GLOD4: variants seen among roughly 807,000 people sequenced by gnomAD.
GLOD4 encodes glyoxalase domain containing 4, also known as glyoxalase domain-containing protein 4.
In GLOD4, 44 loss-of-function variants were observed where a neutral mutation model predicts 39.1. The observed-to-expected ratio is 1.13, with a 90% CI of 0.88 to 1.45. GLOD4 has a LOEUF of 1.45. Among genes scored for constraint, GLOD4 ranks in the 40% most tolerant of loss-of-function variants. GLOD4 has a pLI of 0.00. For missense variants in GLOD4, 405 were observed against 366.4 expected (o/e 1.11, Z -0.86); for synonymous variants, 145 against 135.0 (o/e 1.07, Z -0.52).
At chr17:783,638 T>TA, upstream of GLOD4, 2 of 258,298 alleles carry the variant, frequency 7.7e-6, no homozygotes, top group East Asian at 1.7e-4. Context: ...TGCCTGGCCT[T>TA]ACACAGTGTA....
chr17:767,904 C>T (rs1262682522), intron 8 of GLOD4, among the ~76,000 whole-genome samples: 2 of 136,684 alleles, frequency 1.5e-5, no homozygotes, highest in African/African-American at 5.7e-5. Context: ...AGAGAAACAG[C>T]GCGCACTCAG....
At chr17:773,114 T>C (rs1208461474) in intron 4 of GLOD4, among the ~76,000 whole-genome samples, 1 of 152,220 alleles carries the variant, frequency 6.6e-6, no homozygotes. Flanking sequence ...TTAACTGTGT[T>C]AGTGTAGAGG....
In GLOD4 at chr17:770,416, G is replaced by A. The variant is rs775718133; in HGVS notation, c.630+5C>T. On this transcript the variant is annotated splice_donor_5th_base_variant and intron_variant, in intron 6 of 8. Transcript: ENST00000301329. ...AAGCTCAAACGATCTGGTATCAAGC[G>A]TTACCTCTTTCTGGGGGCAAGAGAA... 19 of 1,452,858 alleles carry A rather than the reference G, an allele frequency of 1.3e-5. No homozygotes were observed. The South Asian group carries it at 1.6e-4, about 12-fold the overall frequency. The allele number at this position is 1,452,858 out of a possible 1,614,324, so 90.0% of individuals were successfully genotyped here. A position where few individuals can be genotyped will look rare whatever the true frequency, so the allele number is the denominator to read the frequency against.
intron 8 of GLOD4, among the ~76,000 whole-genome samples, chr17:763,395 C>A (rs1158360662): frequency 6.6e-6 from 1 of 151,306 alleles, no homozygotes; most frequent in East Asian, 2.0e-4. Flanking sequence ...GTAATCCCAG[C>A]TACTCGGGAA....
At chr17:782,580 C>T (rs749811673), upstream of GLOD4, 1 of 1,614,074 alleles carries the variant, frequency 6.2e-7, no homozygotes, top group Non-Finnish European at 8.5e-7. Flanking sequence ...GGCCAGTGCC[C>T]AGGAGCAACG....
At position 769,918 on chromosome 17, in the gene GLOD4, A is replaced by C. The variant is rs1304937462; in HGVS notation, c.782T>G (p.Phe261Cys). The C allele has an allele frequency of 6.2e-7, 1 of 1,611,664 alleles. No homozygotes were observed. Among genetic ancestry groups the C allele is most frequent in the Non-Finnish European group, 8.5e-7 (1 of 1,177,744 alleles). Reference sequence around the variant, plus strand: ...TGGATCCATCTTAGAAAGTTCTCGAAATGCTTCATCCCCGACAAAGCAAAT... The same window carrying C: ...TGGATCCATCTTAGAAAGTTCTCGACATGCTTCATCCCCGACAAAGCAAAT... ...HEICFVGDEA[F>C]RELSKMDPEG... Residue 261 changes from phenylalanine to cysteine, a missense_variant, in exon 8 of 9, where the codon TTT becomes TGT. Physicochemically the swap from Phe to Cys is radical, Grantham distance 205. Transcript: ENST00000301329.
At chr17:773,062 C>A (rs1417424571) in intron 4 of GLOD4, among the ~76,000 whole-genome samples, 1 of 152,002 alleles carries the variant, frequency 6.6e-6, no homozygotes, top group Non-Finnish European at 1.5e-5. Flanking sequence ...ACATAAAATC[C>A]TTTGTTAACT....
chr17:767,643 TAGA>T (rs1290305481), intron 8 of GLOD4, among the ~76,000 whole-genome samples: 11 of 149,100 alleles, frequency 7.4e-5, no homozygotes, highest in African/African-American at 2.5e-4. Context: ...CTCAGATTTT[TAGA>T]AGAAGAAATC....
chr17:776,904 A>G lies in GLOD4; in HGVS notation c.225T>C (p.Tyr75=). ...TGCCAAGCTTGTAGTCTCCGACGCC[A>G]TAATTGTAAGTCAGTTCTGCGACAA... ...DHFVAELTYN[Y]GVGDYKLGND... The change falls in exon 3 of 9, where the codon TAT becomes TAC. Residue 75 remains tyrosine, a synonymous_variant. Transcript: ENST00000301329. 3 of 1,612,910 alleles carry G rather than the reference A, an allele frequency of 1.9e-6. No individual in the cohort carries two copies. The highest frequency in any genetic ancestry group is 2.7e-5 in the African/African-American group (2 of 75,022).
rs201266054 is a variant in GLOD4 at position 782,234 on chromosome 17, G to C, written c.22C>G (p.His8Asp). The change falls in exon 1 of 9, where the codon CAC becomes GAC. Residue 8 changes from histidine to aspartate, a missense_variant. His to Asp is a moderately conservative substitution (Grantham distance 81). Coordinates refer to ENST00000301329, the MANE Select transcript of GLOD4 (RefSeq NM_016080.4). ...CGGTTTCCCACTTTGAATACGAAGTGCAGAGCTCTGCGAGCAGCCATGATT... is the reference window on the plus strand; with the variant it reads ...CGGTTTCCCACTTTGAATACGAAGTCCAGAGCTCTGCGAGCAGCCATGATT... MAARRAL[H>D]FVFKVGNRFQ... is the part of the protein sequence containing the mutation. 1.2e-6 allele frequency: 2 copies of C among 1,613,376 alleles called. No homozygotes were observed. The highest frequency in any genetic ancestry group is 3.3e-5 in the Admixed American group (2 of 59,966).
chr17:765,050 A>G (rs941636288), intron 8 of GLOD4: 4 of 151,150 alleles, frequency 2.6e-5, no homozygotes, highest in African/African-American at 7.2e-5. Flanking sequence ...CATGGTGAGT[A>G]AAAGCAGCCA....
At chr17:773,348 A>C (rs1908315848) in intron 4 of GLOD4, among the ~76,000 whole-genome samples, 1 of 152,222 alleles carries the variant, frequency 6.6e-6, no homozygotes, top group Admixed American at 6.5e-5. Flanking sequence ...TAAATATCCA[A>C]CAATAGAGAA....
chr17:774,881 C>G (rs907510620), intron 4 of GLOD4, among the ~76,000 whole-genome samples: 2 of 151,972 alleles, frequency 1.3e-5, no homozygotes, highest in African/African-American at 4.8e-5. Context: ...CCAGCCTGGA[C>G]AATATAGTGA....
chr17:782,602 C>T, upstream of GLOD4: 1 of 1,614,036 alleles, frequency 6.2e-7, no homozygotes, highest in Non-Finnish European at 8.5e-7. Context: ...GAGAAACAAC[C>T]GCTCGAGGAG....
chr17:778,527 T>A (rs878857206), intron 2 of GLOD4, 168 bp downstream of exon 2: 2 of 654,626 alleles, frequency 3.1e-6, no homozygotes, highest in Non-Finnish European at 5.5e-6. Flanking sequence ...TTTATACTCA[T>A]GAGAGTGCAG....
chr17:770,031 G>T lies in GLOD4; in HGVS notation c.744+13C>A. On this transcript the variant is annotated intron_variant, in intron 7 of 8. Transcript: ENST00000301329. ...CCCTGGTCCAGCCTGCCCCCTGCCT[G>T]AGAAATACTTACAGGGTCGGCCAGA... 6.3e-7 allele frequency: 1 copy of T among 1,585,716 alleles called. No homozygotes were observed. The highest frequency in any genetic ancestry group is 8.7e-7 in the Non-Finnish European group (1 of 1,154,082).
chr17:775,421 G>A (rs529484778), intron 4 of GLOD4, among the ~76,000 whole-genome samples: 1 of 152,318 alleles, frequency 6.6e-6, no homozygotes, highest in Non-Finnish European at 1.5e-5. Flanking sequence ...AAGAGAAAAT[G>A]TGGGGAGCTG....
chr17:779,737 G>A (rs1249621523), intron 1 of GLOD4, among the ~76,000 whole-genome samples: 1 of 152,198 alleles, frequency 6.6e-6, no homozygotes, highest in Admixed American at 6.5e-5. Context: ...CATGTGATGG[G>A]AATGGATGTT....
intron 1 of GLOD4, among the ~76,000 whole-genome samples, chr17:780,404 A>T (rs770197376): frequency 2.0e-5 from 3 of 152,156 alleles, no homozygotes; most frequent in Non-Finnish European, 4.4e-5. Context: ...CTTAACTTCA[A>T]CTAAGCAACC....
Sources: gnomAD v4.1 joint callset for allele counts (sites outside exome capture counted in the v4.1 genomes callset) on GRCh38, gnomAD v4.1.1 for gene constraint, MANE v1.5 for transcripts, NCBI Gene and HGNC (gene_info 2026-07-23, HGNC 2026-07-21) for gene names.